Variants in HYDIN observed in about 807,000 individuals in gnomAD.
The protein encoded by HYDIN is HYDIN axonemal central pair apparatus protein.
In HYDIN, 132 loss-of-function variants were observed where a neutral mutation model predicts 403.9. That is an observed-to-expected ratio of 0.33 (90% CI 0.28 to 0.38). The LOEUF (loss-of-function observed/expected upper bound fraction) is 0.38, where lower values mean the gene tolerates loss of function less well. HYDIN is among the 10% of genes least tolerant of loss of function. The pLI is 1.00. For synonymous variants in HYDIN, 1,202 were observed against 1,891.7 expected, an observed-to-expected ratio of 0.64 and a Z score of 9.46; for missense variants, 2,827 against 5,009.5, an observed-to-expected ratio of 0.56 and a Z score of 13.15.
chr16:71,051,241 G>A (rs1332476099), intron 18 of HYDIN, among the ~76,000 whole-genome samples: 2 of 152,100 alleles, frequency 1.3e-5, no homozygotes, highest in Non-Finnish European at 2.9e-5. Flanking sequence ...GATAGACACA[G>A]GAAATGCATT....
At chr16:70,981,627 C>G in intron 28 of HYDIN, 59 bp from the exon 29 acceptor site, 1 of 1,476,704 alleles carries the variant, frequency 6.8e-7, no homozygotes, top group South Asian at 1.6e-5. Flanking sequence ...AGGTTCAACT[C>G]ATTAAATTAC....
chr16:70,903,171 C>G (rs1297478483), intron 52 of HYDIN, among the ~76,000 whole-genome samples: 9 of 129,502 alleles, frequency 6.9e-5, no homozygotes, highest in Admixed American at 5.5e-4. Flanking sequence ...CCAGAAGCCC[C>G]AGAAATAAAC....
chr16:70,816,075 C>T (rs1256339526), intron 84 of HYDIN, among the ~76,000 whole-genome samples: 1 of 152,184 alleles, frequency 6.6e-6, no homozygotes, highest in Non-Finnish European at 1.5e-5. Flanking sequence ...CGCCACTGCA[C>T]TCCAGCTAAC....
chr16:70,882,470 A>G lies in HYDIN; in HGVS notation c.10215+190T>C, dbSNP rs1054410430. Among the ~76,000 whole-genome samples the G allele has an allele frequency of 4.6e-5, 7 of 152,304 alleles. No homozygotes were observed. In the South Asian group the frequency reaches 8.3e-4, roughly 18 times the overall value. On this transcript the variant is annotated intron_variant, in intron 60 of 85. Transcript: ENST00000393567. ...GCGTACTTATCACAAAGGTACCCGG[A>G]GGAGACACCCACTGGGACAAATGTA... is the stretch of plus-strand genomic sequence containing the variant.
At chr16:71,172,526 A>T (rs79056624) in intron 5 of HYDIN, among the ~76,000 whole-genome samples, 6 of 147,262 alleles carry the variant, frequency 4.1e-5, no homozygotes, top group East Asian at 2.0e-4. Flanking sequence ...CATTTTTTTT[A>T]AAAAGTCTGA....
At position 70,806,534 on chromosome 16, in the gene HYDIN, C is replaced by T. The variant is rs2035114960; in HGVS notation, c.*1046G>A. Among the ~76,000 whole-genome samples the T allele has an allele frequency of 6.6e-6, 1 of 152,156 alleles. No homozygotes were observed. Among genetic ancestry groups the T allele is most frequent in the East Asian group, 1.9e-4 (1 of 5,186 alleles). Reference sequence around the variant, plus strand: ...TCTGACATGGGGACTGAGAGTTTGACTTTTAATAAATTCCCAGGTGATAGT... The same window carrying T: ...TCTGACATGGGGACTGAGAGTTTGATTTTTAATAAATTCCCAGGTGATAGT... On this transcript the variant is annotated 3_prime_UTR_variant, in exon 86 of 86. Transcript: ENST00000393567.
At chr16:71,146,127 A>G (rs2085358845) in intron 7 of HYDIN, among the ~76,000 whole-genome samples, 1 of 152,188 alleles carries the variant, frequency 6.6e-6, no homozygotes, top group South Asian at 2.1e-4. Context: ...TGAGATAAAG[A>G]TGAAATAAAC....
intron 22 of HYDIN, among the ~76,000 whole-genome samples, chr16:71,018,796 A>G (rs1203281113): frequency 5.9e-5 from 9 of 152,298 alleles, no homozygotes; most frequent in African/African-American, 1.9e-4. Context: ...GGAAAAGTCT[A>G]CAATGAATAA....
chr16:70,850,577 T>A lies in HYDIN; in HGVS notation c.12522A>T (p.Lys4174Asn). The A allele has an allele frequency of 6.2e-7, 1 of 1,613,932 alleles. No individual in the cohort carries two copies. Among genetic ancestry groups the A allele is most frequent in the Non-Finnish European group, 8.5e-7 (1 of 1,179,946 alleles). Residue 4174 changes from lysine to asparagine, a missense_variant, in exon 74 of 86, where the codon AAA becomes AAT. Physicochemically the swap from Lys to Asn is moderately conservative, Grantham distance 94. Coordinates refer to ENST00000393567, the MANE Select transcript of HYDIN (RefSeq NM_001270974.2). The part of the protein sequence containing the change: ...NFNLICNVEK[K>N]VHPVTLNVKA... ...TGACATTTAATGTCACAGGGTGGAC[T>A]TTCTTTTCCACATTGCAGATCAAAT...
chr16:71,030,294 C>T (rs1432911113), intron 19 of HYDIN, among the ~76,000 whole-genome samples: 1 of 152,058 alleles, frequency 6.6e-6, no homozygotes, highest in Non-Finnish European at 1.5e-5. Context: ...TCAAGCAATC[C>T]TCCCACCTCA....
At position 71,227,091 on chromosome 16, in the gene HYDIN, T is replaced by C. The variant is rs181961438; in HGVS notation, c.-24+3471A>G. 1.2e-4 allele frequency among the ~76,000 whole-genome samples: 18 copies of C among 152,136 alleles called. 1 individual carries two copies. The highest frequency in any genetic ancestry group is 3.4e-3 in the Middle Eastern group (1 of 294). On this transcript the variant is annotated intron_variant, in intron 1 of 85. Transcript: ENST00000393567. ...AGATGTGTCACATACTGGGAGAAAT[T>C]ATTCGCAAATTAAATATCTGACTTT...
chr16:70,837,590 C>T (rs2037517461), intron 77 of HYDIN, 100 bp downstream of exon 77: 4 of 891,348 alleles, frequency 4.5e-6, no homozygotes, highest in African/African-American at 1.7e-5. Context: ...GGCAGAGAAG[C>T]AGAGGGGCTG....
At chr16:71,192,399 AT>A (rs1251418039) in intron 1 of HYDIN, among the ~76,000 whole-genome samples, 2 of 152,030 alleles carry the variant, frequency 1.3e-5, no homozygotes, top group Non-Finnish European at 2.9e-5. Context: ...CAAAGGGAAA[AT>A]TTGGTCATGC....
chr16:71,134,365 A>C (rs2084830360), intron 8 of HYDIN, among the ~76,000 whole-genome samples: 1 of 152,158 alleles, frequency 6.6e-6, no homozygotes, highest in African/African-American at 2.4e-5. Context: ...TTAACTATAG[A>C]GGTTGCTGAA....
chr16:70,934,205 A>C (rs541328881), intron 45 of HYDIN, among the ~76,000 whole-genome samples: 49 of 152,228 alleles, frequency 3.2e-4, no homozygotes, highest in Non-Finnish European at 2.9e-5. Context: ...TGGTGGAGAC[A>C]GGAATCAGGG....
intron 81 of HYDIN, 76 bp downstream of exon 81, chr16:70,829,542 T>A: frequency 9.3e-7 from 1 of 1,071,910 alleles, no homozygotes; most frequent in Non-Finnish European, 1.4e-6. Flanking sequence ...CCCCAAAGTG[T>A]CTTTTAACCT....
intron 18 of HYDIN, among the ~76,000 whole-genome samples, chr16:71,051,667 A>T (rs1391504105): frequency 8.9e-6 from 1 of 112,206 alleles, no homozygotes; most frequent in African/African-American, 3.2e-5. Context: ...AAACAAAAAA[A>T]ACAAAAAAAA....
chr16:71,167,149 A>C (rs9939654), intron 5 of HYDIN, among the ~76,000 whole-genome samples: 1 of 151,126 alleles, frequency 6.6e-6, no homozygotes, highest in African/African-American at 2.4e-5. Flanking sequence ...AGCTCTGCAA[A>C]TGATTCTGGT....
rs182642160 is a variant in HYDIN, at chr16:71,196,459, C to T, written c.-23-9541G>A. Among the ~76,000 whole-genome samples, 598 of 151,688 alleles carry T rather than the reference C, an allele frequency of 3.9e-3. 4 individuals are homozygous for T. The highest frequency in any genetic ancestry group is 0.014 in the African/African-American group (566 of 41,314). On this transcript the variant is annotated intron_variant, in intron 1 of 85. Coordinates refer to ENST00000393567, the MANE Select transcript of HYDIN (RefSeq NM_001270974.2). Reference sequence around the variant, plus strand: ...CCCTCAGTGCTCATGGTTCTCAGGCCTACAGATGCAAACTGGAATCTACAC... The same window carrying T: ...CCCTCAGTGCTCATGGTTCTCAGGCTTACAGATGCAAACTGGAATCTACAC...
Sources: gnomAD v4.1 joint callset for allele counts (sites outside exome capture counted in the v4.1 genomes callset) on GRCh38, gnomAD v4.1.1 for gene constraint, MANE v1.5 for transcripts, NCBI Gene and HGNC (gene_info 2026-07-23, HGNC 2026-07-21) for gene names.